PCDH15: variants seen among roughly 807,000 people sequenced by gnomAD.
PCDH15 encodes protocadherin-15.
A neutral mutation model predicts 178.5 loss-of-function variants in PCDH15; 129 were observed. That is an observed-to-expected ratio of 0.72 (90% CI 0.63 to 0.84). The LOEUF (loss-of-function observed/expected upper bound fraction) is 0.84, where lower values mean the gene tolerates loss of function less well. Among genes scored for constraint, PCDH15 ranks in the 40% least tolerant of loss-of-function variants. PCDH15 has a pLI of 0.00. For synonymous variants in PCDH15, 800 were observed against 732.0 expected (o/e 1.09, Z -1.50); for missense variants, 2,230 against 2,099.9 (o/e 1.06, Z -1.21).
At chr10:55,572,880 A>G (rs1347143317) in intron 2 of PCDH15, among the ~76,000 whole-genome samples, 1 of 152,094 alleles carries the variant, frequency 6.6e-6, no homozygotes, top group Non-Finnish European at 1.5e-5. Context: ...GAGCAGCAAG[A>G]TGACTAGTAT....
At chr10:54,201,829 C>G (rs372065707) in intron 10 of PCDH15, among the ~76,000 whole-genome samples, 1 of 152,086 alleles carries the variant, frequency 6.6e-6, no homozygotes, top group African/African-American at 2.4e-5. Flanking sequence ...TATAGAATGT[C>G]TTTATTCACA....
rs1274139015 is a variant in PCDH15, at chr10:54,195,878, G to T, written c.1110C>A (p.Asp370Glu). 1 of 1,613,300 alleles carries T rather than the reference G, an allele frequency of 6.2e-7. No homozygotes were observed. The highest frequency in any genetic ancestry group is 8.5e-7 in the Non-Finnish European group (1 of 1,179,370). The change falls in exon 11 of 38, where the codon GAC becomes GAA. Residue 370 changes from aspartate to glutamate, a missense_variant. Transcript: ENST00000644397. ...KFDLVIKAEQ[D>E]NGHPLPAFAG... is the part of the protein sequence containing the mutation. ...CAAAGGCAGGAAGAGGATGACCATTGTCTTGTTCAGCCTAAAATTGAAAAG... is the reference window on the plus strand; with the variant it reads ...CAAAGGCAGGAAGAGGATGACCATTTTCTTGTTCAGCCTAAAATTGAAAAG...
chr10:53,982,440 A>T (rs2090731812), intron 21 of PCDH15, among the ~76,000 whole-genome samples: 1 of 152,072 alleles, frequency 6.6e-6, no homozygotes, highest in Non-Finnish European at 1.5e-5. Flanking sequence ...ACAATGATAG[A>T]CTGGATTAAG....
At chr10:55,131,808 A>G (rs538015274) in intron 2 of PCDH15, among the ~76,000 whole-genome samples, 1 of 152,126 alleles carries the variant, frequency 6.6e-6, no homozygotes, top group South Asian at 2.1e-4. Flanking sequence ...GTACATGCTG[A>G]TTGGTCTATA....
At chr10:54,316,198 G>A (rs953691595) in intron 8 of PCDH15, among the ~76,000 whole-genome samples, 1 of 151,980 alleles carries the variant, frequency 6.6e-6, no homozygotes, top group Non-Finnish European at 1.5e-5. Context: ...GATCATTGCT[G>A]TGAGTAGACT....
At position 54,455,139 on chromosome 10, in the gene PCDH15, T is replaced by C. The variant is rs149838536; in HGVS notation, c.157+72673A>G. On this transcript the variant is annotated intron_variant, in intron 3 of 37. Coordinates refer to ENST00000644397, the MANE Select transcript of PCDH15 (RefSeq NM_001384140.1). ...ATATGATTGTATGTTTCCTGAGGCC[T>C]CTCCAGCCCTGTGGAACTGTGACTT... is the stretch of plus-strand genomic sequence containing the variant. Among the ~76,000 whole-genome samples, 1,386 of 152,284 alleles carry C rather than the reference T, an allele frequency of 9.1e-3. 17 individuals are homozygous for C. Among genetic ancestry groups the C allele is most frequent in the Middle Eastern group, 0.017 (5 of 294 alleles).
chr10:54,720,275 G>A (rs1049321866), intron 1 of PCDH15, among the ~76,000 whole-genome samples: 1 of 151,888 alleles, frequency 6.6e-6, no homozygotes, highest in South Asian at 2.1e-4. Flanking sequence ...GGATTGTCTT[G>A]GGAGAAATTT....
chr10:54,864,295 GAA>G (rs1241632754), intron 3 of PCDH15, among the ~76,000 whole-genome samples: 4 of 152,078 alleles, frequency 2.6e-5, no homozygotes, highest in African/African-American at 9.7e-5. Context: ...ATAAAGTAGA[GAA>G]GAGACAATTA....
At chr10:55,238,398 C>T (rs1212931387) in intron 1 of PCDH15, among the ~76,000 whole-genome samples, 1 of 152,076 alleles carries the variant, frequency 6.6e-6, no homozygotes, top group Non-Finnish European at 1.5e-5. Flanking sequence ...GATCCGCCCA[C>T]CTCGGCCTCC....
intron 16 of PCDH15, among the ~76,000 whole-genome samples, chr10:54,086,959 G>A (rs2094525801): frequency 6.6e-6 from 1 of 152,168 alleles, no homozygotes; most frequent in Non-Finnish European, 1.5e-5. Flanking sequence ...AGGAGCACTA[G>A]AGATATAGGA....
chr10:54,908,564 G>A (rs368120910), intron 2 of PCDH15, among the ~76,000 whole-genome samples: 3 of 152,182 alleles, frequency 2.0e-5, no homozygotes, highest in East Asian at 1.9e-4. Flanking sequence ...CGCCCATATC[G>A]TGTTACAGTT....
chr10:53,979,870 G>A (rs970149121), intron 21 of PCDH15, among the ~76,000 whole-genome samples: 10 of 152,150 alleles, frequency 6.6e-5, no homozygotes, highest in African/African-American at 1.4e-4. Context: ...TTCATAGAGC[G>A]TATAGTAATT....
intron 1 of PCDH15, among the ~76,000 whole-genome samples, chr10:55,286,696 G>C (rs1001162830): frequency 2.0e-5 from 3 of 151,846 alleles, no homozygotes; most frequent in African/African-American, 7.2e-5. Context: ...TTTGACCTCT[G>C]CTGAATTGAA....
At chr10:54,080,843 G>A (rs1024751748) in intron 16 of PCDH15, among the ~76,000 whole-genome samples, 2 of 152,116 alleles carry the variant, frequency 1.3e-5, no homozygotes, top group African/African-American at 4.8e-5. Context: ...AGTACAGAAG[G>A]TCCAGATAAT....
At chr10:54,841,201 A>G (rs1953411687) in intron 3 of PCDH15, among the ~76,000 whole-genome samples, 1 of 151,886 alleles carries the variant, frequency 6.6e-6, no homozygotes, top group African/African-American at 2.4e-5. Context: ...TTTAAAAGAC[A>G]GAAATTATAT....
intron 13 of PCDH15, 65 bp from the exon 14 acceptor site, chr10:54,153,358 T>C: frequency 6.4e-7 from 1 of 1,555,292 alleles, no homozygotes. Context: ...TGTCGTTTTT[T>C]CCCCCAACAA....
chr10:53,962,887 T>C (rs1396849628), intron 21 of PCDH15, among the ~76,000 whole-genome samples: 1 of 152,190 alleles, frequency 6.6e-6, no homozygotes, highest in Non-Finnish European at 1.5e-5. Context: ...CACTGTAACA[T>C]TTACAGTGCT....
chr10:54,395,714 G>A (rs1312644659), intron 3 of PCDH15, among the ~76,000 whole-genome samples: 1 of 151,378 alleles, frequency 6.6e-6, no homozygotes, highest in East Asian at 1.9e-4. Context: ...ACAATATACT[G>A]ACTGCCTTAT....
chr10:55,159,347 ATCTATCTATCTATCTATCTATC>A (rs1838989783), intron 2 of PCDH15, among the ~76,000 whole-genome samples: 3 of 144,120 alleles, frequency 2.1e-5, no homozygotes, highest in Non-Finnish European at 3.0e-5. Flanking sequence ...TACCATATCT[ATCTATCTATCTATCTATCTATC>A]TATATATATA....
Sources: allele counts gnomAD v4.1 joint callset (sites outside exome capture counted in the v4.1 genomes callset), GRCh38; gene constraint gnomAD v4.1.1; transcripts MANE v1.5; gene names NCBI Gene and HGNC (gene_info 2026-07-23, HGNC 2026-07-21).